The following NRXN3 variants were observed in gnomAD, a reference collection of about 807,000 sequenced individuals.
NRXN3 encodes the protein neurexin 3.
NRXN3 carries 32 observed loss-of-function variants against 137.6 expected under a neutral mutation model. That is an observed-to-expected ratio of 0.23 (90% CI 0.18 to 0.31). NRXN3 has a LOEUF of 0.31. Ranked by LOEUF, NRXN3 falls within the 10% of genes least tolerant of loss-of-function variation. The pLI is 1.00. For missense variants in NRXN3, 1,574 were observed against 2,062.5 expected, an observed-to-expected ratio of 0.76 and a Z score of 4.59; for synonymous variants, 798 against 784.5, an observed-to-expected ratio of 1.02 and a Z score of -0.29.
chr14:79,679,502 G>A (rs2098658458), intron 17 of NRXN3, among the ~76,000 whole-genome samples: 1 of 152,248 alleles, frequency 6.6e-6, no homozygotes, highest in South Asian at 2.1e-4. Flanking sequence ...AAAGCTAATA[G>A]TTTAATAGTT....
chr14:78,456,799 C>CTCTTTCTTTCTTTATT (rs2094721238), intron 4 of NRXN3, among the ~76,000 whole-genome samples: 2 of 97,620 alleles, frequency 2.0e-5, no homozygotes, highest in East Asian at 6.1e-4. Context: ...CTCTCTTTCT[C>CTCTTTCTTTCTTTATT]TCTTTCTTTC....
intron 1 of NRXN3, among the ~76,000 whole-genome samples, chr14:78,231,084 T>G (rs554739696): frequency 4.6e-5 from 7 of 152,122 alleles, no homozygotes; most frequent in Non-Finnish European, 1.0e-4. Flanking sequence ...GAACATCCTG[T>G]CAACGGGTAA....
intron 15 of NRXN3, among the ~76,000 whole-genome samples, chr14:79,043,184 G>C (rs1398999421): frequency 6.6e-6 from 1 of 152,170 alleles, no homozygotes; most frequent in East Asian, 1.9e-4. Context: ...CAAGTGAATT[G>C]GTTAATAAGC....
At chr14:79,044,545 T>C (rs946404645) in intron 15 of NRXN3, among the ~76,000 whole-genome samples, 2 of 152,248 alleles carry the variant, frequency 1.3e-5, no homozygotes, top group Non-Finnish European at 2.9e-5. Flanking sequence ...GGCTGGCCCA[T>C]GTTGAATGCC....
At chr14:79,634,763 C>G (rs530521567) in intron 16 of NRXN3, among the ~76,000 whole-genome samples, 2 of 152,184 alleles carry the variant, frequency 1.3e-5, no homozygotes, top group African/African-American at 2.4e-5. Context: ...CTTAACAGCA[C>G]CAATTTCACA....
intron 8 of NRXN3, among the ~76,000 whole-genome samples, chr14:78,746,667 T>C (rs563454456): frequency 1.3e-5 from 2 of 152,270 alleles, no homozygotes; most frequent in Non-Finnish European, 2.9e-5. Context: ...GTGAACTAAA[T>C]AGGACTTTCT....
At chr14:79,228,639 A>G (rs904820980) in intron 15 of NRXN3, among the ~76,000 whole-genome samples, 6 of 152,186 alleles carry the variant, frequency 3.9e-5, no homozygotes, top group Non-Finnish European at 8.8e-5. Flanking sequence ...ATATGGAGAG[A>G]GAGAAAAGGG....
At chr14:78,676,819 A>G (rs1461374968) in intron 6 of NRXN3, among the ~76,000 whole-genome samples, 2 of 152,088 alleles carry the variant, frequency 1.3e-5, no homozygotes, top group African/African-American at 4.8e-5. Context: ...GTTGAAACCA[A>G]TGCTCATTTG....
intron 15 of NRXN3, among the ~76,000 whole-genome samples, chr14:79,062,966 G>T (rs988852517): frequency 1.3e-5 from 2 of 152,134 alleles, no homozygotes; most frequent in African/African-American, 4.8e-5. Context: ...GCAGTAATTT[G>T]TATAGTATGT....
intron 8 of NRXN3, among the ~76,000 whole-genome samples, chr14:78,747,331 A>G (rs1423581044): frequency 6.6e-6 from 1 of 152,210 alleles, no homozygotes; most frequent in African/African-American, 2.4e-5. Flanking sequence ...GAAATAATAT[A>G]TGTAAGCAGT....
At chr14:79,674,130 GA>G (rs1480832174) in intron 17 of NRXN3, among the ~76,000 whole-genome samples, 21 of 152,202 alleles carry the variant, frequency 1.4e-4, no homozygotes, top group African/African-American at 5.1e-4. Context: ...TACAATTTGG[GA>G]TGTGACCTTG....
intron 15 of NRXN3, among the ~76,000 whole-genome samples, chr14:79,374,530 C>A (rs2094204201): frequency 6.6e-6 from 1 of 151,836 alleles, no homozygotes; most frequent in African/African-American, 2.4e-5. Context: ...AAAAATTAAT[C>A]CTGCATAATG....
chr14:79,353,431 G>A (rs2093304914), intron 15 of NRXN3, among the ~76,000 whole-genome samples: 1 of 151,864 alleles, frequency 6.6e-6, no homozygotes, highest in Non-Finnish European at 1.5e-5. Flanking sequence ...CTGTCACCCT[G>A]CCTTTCCTAT....
At chr14:78,956,902 C>T (rs2099397875) in intron 10 of NRXN3, among the ~76,000 whole-genome samples, 1 of 152,304 alleles carries the variant, frequency 6.6e-6, no homozygotes, top group African/African-American at 2.4e-5. Flanking sequence ...AGGAATTCGT[C>T]TGGATTCTAA....
At chr14:79,309,821 T>G (rs2086879182) in intron 15 of NRXN3, among the ~76,000 whole-genome samples, 2 of 141,558 alleles carry the variant, frequency 1.4e-5, no homozygotes, top group South Asian at 4.6e-4. Flanking sequence ...CATTGTAGAT[T>G]CTGGATATTA....
intron 10 of NRXN3, among the ~76,000 whole-genome samples, chr14:78,934,531 C>G (rs1388906778): frequency 6.6e-6 from 1 of 152,184 alleles, no homozygotes; most frequent in Non-Finnish European, 1.5e-5. Flanking sequence ...CAAACCACGG[C>G]AGCTCCAACT....
At chr14:78,856,563 T>G (rs1210219115) in intron 10 of NRXN3, among the ~76,000 whole-genome samples, 1 of 152,176 alleles carries the variant, frequency 6.6e-6, no homozygotes, top group Admixed American at 6.5e-5. Context: ...TGTCTCTTCT[T>G]ATACGTTTTT....
At chr14:79,129,273 G>T (rs2057061759) in intron 15 of NRXN3, among the ~76,000 whole-genome samples, 1 of 148,424 alleles carries the variant, frequency 6.7e-6, no homozygotes, top group Non-Finnish European at 1.5e-5. Flanking sequence ...TGATGTTAGG[G>T]TGTCAATTTT....
intron 16 of NRXN3, among the ~76,000 whole-genome samples, chr14:79,510,598 C>T (rs375003122): frequency 6.6e-6 from 1 of 152,078 alleles, no homozygotes; most frequent in Admixed American, 6.6e-5. Context: ...GAGAAATAAA[C>T]GAAGTGATTT....
Sources: allele counts gnomAD v4.1 joint callset (sites outside exome capture counted in the v4.1 genomes callset), GRCh38; gene constraint gnomAD v4.1.1; transcripts MANE v1.5; gene names NCBI Gene and HGNC (gene_info 2026-07-23, HGNC 2026-07-21).